Variants in MYO1G observed in about 807,000 individuals in gnomAD.
The protein encoded by MYO1G is unconventional myosin-Ig.
A neutral mutation model predicts 115.3 loss-of-function variants in MYO1G; 65 were observed. The ratio of observed to expected loss-of-function variants is 0.56; its 90% CI spans 0.46 to 0.69. MYO1G has a LOEUF of 0.69. Among genes scored for constraint, MYO1G ranks in the 30% least tolerant of loss-of-function variants. MYO1G has a pLI of 0.00. For missense variants in MYO1G, 1,204 were observed against 1,393.5 expected (o/e 0.86, Z 2.16); for synonymous variants, 510 against 552.6 (o/e 0.92, Z 1.08).
At position 44,967,966 on chromosome 7, in the gene MYO1G, A is replaced by T. The variant is rs768421259; in HGVS notation, c.1575-8T>A. Reference sequence around the variant, plus strand: ...AAGCCTTCCACGGAGTACCTACCAGAAGCCAGGGCTGGTGAGGGAGCAGGG... The same window carrying T: ...AAGCCTTCCACGGAGTACCTACCAGTAGCCAGGGCTGGTGAGGGAGCAGGG... On this transcript the variant is annotated splice_region_variant and splice_polypyrimidine_tract_variant and intron_variant, in intron 12 of 21. Transcript: ENST00000258787. 4 of 1,613,524 alleles carry T rather than the reference A, an allele frequency of 2.5e-6. No homozygotes were observed. In the South Asian group the frequency reaches 4.4e-5, roughly 18 times the overall value.
intron 3 of MYO1G, 151 bp downstream of exon 3, chr7:44,976,413 G>T: frequency 1.4e-6 from 1 of 726,944 alleles, no homozygotes; most frequent in Non-Finnish European, 2.3e-6. Flanking sequence ...CGGGTGTGTT[G>T]GCATTATCTG....
intron 5 of MYO1G, chr7:44,973,744 G>A (rs1795000990): frequency 6.6e-6 from 1 of 151,240 alleles, no homozygotes; most frequent in Non-Finnish European, 1.5e-5. Context: ...TAGAGACAAT[G>A]CCCATGTGCC....
chr7:44,974,840 G>A (rs927046285), intron 5 of MYO1G: 11 of 408,982 alleles, frequency 2.7e-5, no homozygotes, highest in Non-Finnish European at 4.2e-5. Context: ...GATACCACTA[G>A]AGACACTGCC....
At chr7:44,971,580 T>G (rs1794958310) in intron 7 of MYO1G, 93 bp downstream of exon 7, 1 of 900,406 alleles carries the variant, frequency 1.1e-6, no homozygotes, top group African/African-American at 1.7e-5. Context: ...TGCTGGGGCA[T>G]CTCCAGCCAG....
At position 44,970,020 on chromosome 7, in the gene MYO1G, C is replaced by T; in HGVS notation, c.1332+20G>A. Reference sequence around the variant, plus strand: ...CTCCACACCCCACTGCCTGGCCTCCCTCCAGGCCACAGTGCTCACGCTCTG... The same window carrying T: ...CTCCACACCCCACTGCCTGGCCTCCTTCCAGGCCACAGTGCTCACGCTCTG... On this transcript the variant is annotated intron_variant, in intron 10 of 21. Transcript: ENST00000258787. 6.2e-7 allele frequency: 1 copy of T among 1,607,534 alleles called. No homozygotes were observed. Among genetic ancestry groups the T allele is most frequent in the Non-Finnish European group, 8.5e-7 (1 of 1,174,456 alleles).
rs780524426 is a variant in MYO1G at position 44,964,460 on chromosome 7, G to A, written c.2586C>T (p.Asp862=). 1 of 1,613,856 alleles carries A rather than the reference G, an allele frequency of 6.2e-7. No individual in the cohort carries two copies. Among genetic ancestry groups the A allele is most frequent in the Non-Finnish European group, 8.5e-7 (1 of 1,179,844 alleles). The part of the protein sequence containing the change: ...LFAQRLKTLQ[D]KDGFGAVLFS... ...AGAGCACAGCCCCGAAGCCATCTTTGTCCTGAAGTGTCTTTAGTCGCTGAG... is the reference window on the plus strand; with the variant it reads ...AGAGCACAGCCCCGAAGCCATCTTTATCCTGAAGTGTCTTTAGTCGCTGAG... The change falls in exon 19 of 22, where the codon GAC becomes GAT. Residue 862 remains aspartate (D), a synonymous_variant. Coordinates refer to ENST00000258787, the MANE Select transcript of MYO1G (RefSeq NM_033054.3). This position sits in a 1 kb window ranked among gnomAD's most constrained non-coding sequence, Gnocchi z 5.1.
Position 44,974,639 on chromosome 7 carries a change from C to T in MYO1G, c.618+535G>A, listed in dbSNP as rs568997707. 236 of 169,060 alleles carry T rather than the reference C, an allele frequency of 1.4e-3. 1 individual carries two copies. Among genetic ancestry groups the T allele is most frequent in the Non-Finnish European group, 2.3e-3 (175 of 76,720 alleles). The allele number at this position is 169,060 out of a possible 1,614,324, so 10.5% of individuals were successfully genotyped here. On this transcript the variant is annotated intron_variant, in intron 5 of 21. Transcript: ENST00000258787. ...GGCAGGCCACAGTTTGCAAACACACCGCTGGCGTGCCAGGGAGCTCCACTT... is the reference window on the plus strand; with the variant it reads ...GGCAGGCCACAGTTTGCAAACACACTGCTGGCGTGCCAGGGAGCTCCACTT...
At position 44,969,759 on chromosome 7, in the gene MYO1G, G is replaced by C; in HGVS notation, c.1449C>G (p.Phe483Leu). The part of the protein sequence containing the change: ...SSAGTITDRI[F>L]LQTLDMHHRH... ...GGTGGTGCATGTCCAGGGTCTGCAG[G>C]AAGATTCGGTCAGTGATGGTGCCAG... Residue 483 changes from phenylalanine (F) to leucine (L), a missense_variant, in exon 11 of 22, where the codon TTC (phenylalanine) becomes TTG (leucine). By Grantham distance (22) the Phe-to-Leu change is conservative (BLOSUM62 0). Coordinates refer to ENST00000258787, the MANE Select transcript of MYO1G (RefSeq NM_033054.3). The surrounding 1 kb of genome is among the most constrained non-coding windows in gnomAD (Gnocchi z 5.0). The C allele has an allele frequency of 1.2e-6, 2 of 1,612,580 alleles. No homozygotes were observed. Among genetic ancestry groups the C allele is most frequent in the Non-Finnish European group, 1.7e-6 (2 of 1,179,952 alleles).
rs777917603 is a variant in MYO1G at position 44,975,223 on chromosome 7, C to A, written c.569G>T (p.Arg190Leu). Residue 190 changes from arginine to leucine, a missense_variant, in exon 5 of 22, where the codon CGG (arginine) becomes CTG (leucine). Physicochemically the swap from Arg to Leu is moderately radical, Grantham distance 102. Transcript: ENST00000258787. ...TTCACCCACGTGCTGCTTGAGGACCCGAGACTGAGGAGAGAGGGGCAGATG... is the reference window on the plus strand; with the variant it reads ...TTCACCCACGTGCTGCTTGAGGACCAGAGACTGAGGAGAGAGGGGCAGATG... ...HIHSYLLEKSRVLKQHVGERN... is the reference protein window; with the variant it reads ...HIHSYLLEKSLVLKQHVGERN... 7.4e-6 allele frequency: 12 copies of A among 1,613,890 alleles called. No homozygotes were observed. The Admixed American group carries it at 1.5e-4, about 20-fold the overall frequency.
In MYO1G at chr7:44,963,303, G is replaced by C. The variant is rs1794782586; in HGVS notation, c.2746-179C>G. 1.6e-6 allele frequency: 1 copy of C among 639,436 alleles called. No individual in the cohort carries two copies. The allele number at this position is 639,436 out of a possible 1,614,324, so 39.6% of individuals were successfully genotyped here. A position where few individuals can be genotyped will look rare whatever the true frequency, so the allele number is the denominator to read the frequency against. On this transcript the variant is annotated intron_variant, in intron 20 of 21. Transcript: ENST00000258787. The surrounding 1 kb of genome is among the most constrained non-coding windows in gnomAD (Gnocchi z 4.1). ...TCCCTCTCGGGGCCCTGCTGACAGG[G>C]GGAAGCTTGGGCGGGACGCTGCACA...
Position 44,966,957 on chromosome 7 carries a change from G to A in MYO1G, c.1783-119C>T. The A allele has an allele frequency of 8.6e-7, 1 of 1,164,956 alleles. No homozygotes were observed. Among genetic ancestry groups the A allele is most frequent in the East Asian group, 2.4e-5 (1 of 42,316 alleles). 72.2% of individuals were successfully genotyped at this position (1,164,956 alleles called of 1,614,324 possible). The stretch of plus-strand genomic sequence containing the variant: ...GGCCAGGAGAAGAGTTGGGAACAAA[G>A]AAGGGAAATCAGCAGAACAAGGGCC... On this transcript the variant is annotated intron_variant, in intron 14 of 21. Transcript: ENST00000258787. The surrounding 1 kb of genome is among the most constrained non-coding windows in gnomAD (Gnocchi z 5.0).
Position 44,964,813 on chromosome 7 carries a change from T to C in MYO1G, c.2526+132A>G, listed in dbSNP as rs1047611872. ...TGCAGAGCTCTGGTGGGGGCTGAGG[T>C]ACAGGGCCACCAGGACAGACAACCC... On this transcript the variant is annotated intron_variant, in intron 18 of 21. Coordinates refer to ENST00000258787, the MANE Select transcript of MYO1G (RefSeq NM_033054.3). The surrounding 1 kb of genome is among the most constrained non-coding windows in gnomAD (Gnocchi z 5.1). 25 of 1,361,920 alleles carry C rather than the reference T, an allele frequency of 1.8e-5. No individual in the cohort carries two copies. In the East Asian group the frequency reaches 5.6e-4, roughly 30 times the overall value. The allele number at this position is 1,361,920 out of a possible 1,614,324, so 84.4% of individuals were successfully genotyped here. A position where few individuals can be genotyped will look rare whatever the true frequency, so the allele number is the denominator to read the frequency against.
At chr7:44,978,284 T>C (rs1795117714) in intron 1 of MYO1G, among the ~76,000 whole-genome samples, 1 of 152,180 alleles carries the variant, frequency 6.6e-6, no homozygotes, top group Non-Finnish European at 1.5e-5. Flanking sequence ...TGATGGTAAA[T>C]TGGGCTCCAA....
At position 44,970,983 on chromosome 7, in the gene MYO1G, A is replaced by G. The variant is rs1399419760; in HGVS notation, c.923T>C (p.Val308Ala). 2 of 1,613,330 alleles carry G rather than the reference A, an allele frequency of 1.2e-6. No individual in the cohort carries two copies. Among genetic ancestry groups the G allele is most frequent in the Admixed American group, 1.7e-5 (1 of 59,988 alleles). ...EGLAVAEEALVDHVAELTATP... is the reference protein window; with the variant it reads ...EGLAVAEEALADHVAELTATP... Reference sequence around the variant, plus strand: ...GGCCGTCAGCTCAGCCACATGGTCCACCAGTGCCTCCTCGGCCACTGCCAG... The same window carrying G: ...GGCCGTCAGCTCAGCCACATGGTCCGCCAGTGCCTCCTCGGCCACTGCCAG... Residue 308 changes from valine to alanine, a missense_variant, in exon 8 of 22, where the codon GTG becomes GCG. By Grantham distance (64) the Val-to-Ala change is moderately conservative (BLOSUM62 0). Coordinates refer to ENST00000258787, the MANE Select transcript of MYO1G (RefSeq NM_033054.3).
intron 1 of MYO1G, among the ~76,000 whole-genome samples, chr7:44,978,103 A>C (rs377026688): frequency 6.6e-6 from 1 of 152,076 alleles, no homozygotes; most frequent in East Asian, 1.9e-4. Context: ...TTCGGTGCTT[A>C]GTGGGGATCC....
Position 44,969,482 on chromosome 7 carries a change from A to T in MYO1G, c.1505T>A (p.Leu502His), listed in dbSNP as rs757737951. The T allele has an allele frequency of 3.7e-6, 6 of 1,613,608 alleles. No homozygotes were observed. The East Asian group carries it at 1.3e-4, about 36-fold the overall frequency. Residue 502 changes from leucine (L) to histidine (H), a missense_variant and splice_region_variant, in exon 12 of 22, where the codon CTC becomes CAC. Transcript: ENST00000258787. This position sits in a 1 kb window ranked among gnomAD's most constrained non-coding sequence, Gnocchi z 5.0. ...CTCCATGGTCTTGTCTGTGGGGCAG[A>T]GCTATGGGGACAGGCTGAGGTCAAG... is the stretch of plus-strand genomic sequence containing the variant. ...RHHLHYTSRQ[L>H]CPTDKTMEFG...
Position 44,969,580 on chromosome 7 carries a change from C to T in MYO1G, c.1504-97G>A, listed in dbSNP as rs1794913428. 2 of 1,578,606 alleles carry T rather than the reference C, an allele frequency of 1.3e-6. No homozygotes were observed. The highest frequency in any genetic ancestry group is 1.7e-6 in the Non-Finnish European group (2 of 1,150,608). ...CCCACCTCCAGGGCAGAGAAGGTTG[C>T]CACAGTGACGACAATGGCACCAAAG... is the stretch of plus-strand genomic sequence containing the variant. On this transcript the variant is annotated intron_variant, in intron 11 of 21. Transcript: ENST00000258787. This position sits in a 1 kb window ranked among gnomAD's most constrained non-coding sequence, Gnocchi z 5.0.
Position 44,962,730 on chromosome 7 carries a change from T to TGCGG in MYO1G, c.*5_*8dup. ...ATTGGCGGCCTCGGGGTGCGGCGGGTGCGGGCGCTCAGCGGCTGGGCCAGA... is the reference window on the plus strand; with the variant it reads ...ATTGGCGGCCTCGGGGTGCGGCGGGTGCGGGCGGGCGCTCAGCGGCTGGGCCAGA... On this transcript the variant is annotated 3_prime_UTR_variant, in exon 22 of 22. Coordinates refer to ENST00000258787, the MANE Select transcript of MYO1G (RefSeq NM_033054.3). The surrounding 1 kb of genome is among the most constrained non-coding windows in gnomAD (Gnocchi z 5.3). 1 of 1,443,254 alleles carries TGCGG rather than the reference T, an allele frequency of 6.9e-7. No homozygotes were observed. Among genetic ancestry groups the TGCGG allele is most frequent in the South Asian group, 1.4e-5 (1 of 69,268 alleles). The allele number at this position is 1,443,254 out of a possible 1,614,324, so 89.4% of individuals were successfully genotyped here.
rs532010528 is a variant in MYO1G, at chr7:44,970,888, C to G, written c.1018G>C (p.Glu340Gln). The G allele has an allele frequency of 1.4e-5, 23 of 1,613,602 alleles. No individual in the cohort carries two copies. In the South Asian group the frequency reaches 2.5e-4, roughly 18 times the overall value. ...TVASGGRELIEKGHTAAEASY... is the reference protein window; with the variant it reads ...TVASGGRELIQKGHTAAEASY... ...GCCTCAGCTGCAGTGTGGCCCTTCT[C>G]TATGAGTTCCCTGCCTCCCGAGGCA... is the stretch of plus-strand genomic sequence containing the variant. The change falls in exon 8 of 22, where the codon GAG becomes CAG. Residue 340 changes from glutamate (E) to glutamine (Q), a missense_variant. Transcript: ENST00000258787.
Sources: gnomAD v4.1 joint callset for allele counts (sites outside exome capture counted in the v4.1 genomes callset) on GRCh38, gnomAD v4.1.1 for gene constraint, Gnocchi (gnomAD v3.1) non-coding constraint, MANE v1.5 for transcripts, NCBI Gene and HGNC (gene_info 2026-07-23, HGNC 2026-07-21) for gene names.